PIGP: variants seen among roughly 807,000 people sequenced by gnomAD.
PIGP encodes phosphatidylinositol N-acetylglucosaminyltransferase subunit P.
Under a neutral mutation model 16.9 loss-of-function variants are expected in PIGP, and 12 were observed. The observed-to-expected ratio is 0.71, with a 90% CI of 0.46 to 1.15. The LOEUF is 1.15. Among genes scored for constraint, PIGP ranks in the 50% most tolerant of loss-of-function variants. PIGP has a pLI of 0.00. For synonymous variants in PIGP, 57 were observed against 54.7 expected, an observed-to-expected ratio of 1.04 and a Z score of -0.18; for missense variants, 159 against 153.5, an observed-to-expected ratio of 1.04 and a Z score of -0.19.
At position 37,065,475 on chromosome 21, in the gene PIGP, A is replaced by T; in HGVS notation, c.*107T>A. On this transcript the variant is annotated 3_prime_UTR_variant, in exon 5 of 5. Transcript: ENST00000360525. ...AAGAGAAGGTCAACTTACATTTTTT[A>T]CTTCTCTATTAATAAGAGAGATGGT... The T allele has an allele frequency of 9.4e-7, 1 of 1,058,308 alleles. No individual in the cohort carries two copies. Among genetic ancestry groups the T allele is most frequent in the Non-Finnish European group, 1.4e-6 (1 of 735,952 alleles). 65.6% of individuals were successfully genotyped at this position (1,058,308 alleles called of 1,614,324 possible). A position where few individuals can be genotyped will look rare whatever the true frequency, so the allele number is the denominator to read the frequency against.
Position 37,069,636 on chromosome 21 carries a change from A to G in PIGP, c.83-12T>C. 1 of 1,510,420 alleles carries G rather than the reference A, an allele frequency of 6.6e-7. No homozygotes were observed. Among genetic ancestry groups the G allele is most frequent in the Non-Finnish European group, 9.0e-7 (1 of 1,112,882 alleles). 93.6% of individuals were successfully genotyped at this position (1,510,420 alleles called of 1,614,324 possible). ...CACGAGGTAAAGTACTGTAGAAAAG[A>G]AAAAGAAAAAAAAGAGGAAGAGAAG... On this transcript the variant is annotated splice_polypyrimidine_tract_variant and intron_variant, in intron 2 of 4. Coordinates refer to ENST00000360525, the MANE Select transcript of PIGP (RefSeq NM_153682.3).
At chr21:37,070,146 T>C (rs2069977779) in intron 2 of PIGP, among the ~76,000 whole-genome samples, 1 of 152,200 alleles carries the variant, frequency 6.6e-6, no homozygotes, top group Non-Finnish European at 1.5e-5. Context: ...GAGCACTCAC[T>C]GTGGGTTAAG....
At chr21:37,070,361 G>C (rs2069982919) in intron 2 of PIGP, among the ~76,000 whole-genome samples, 1 of 152,180 alleles carries the variant, frequency 6.6e-6, no homozygotes, top group South Asian at 2.1e-4. Context: ...ACAGAATTCT[G>C]TATGTCAGGT....
chr21:37,068,323 C>G (rs941426686), intron 3 of PIGP, among the ~76,000 whole-genome samples: 1 of 150,300 alleles, frequency 6.7e-6, no homozygotes, highest in Non-Finnish European at 1.5e-5. Flanking sequence ...GTTCTAACTT[C>G]TAGAGATTAC....
Position 37,072,136 on chromosome 21 carries a change from T to C in PIGP, c.82+298A>G, listed in dbSNP as rs1417620350. On this transcript the variant is annotated intron_variant, in intron 2 of 4. Transcript: ENST00000360525. ...CACTCATCACACTGAGCATTAACTG[T>C]AGATTTACCCATCTGTCTCCTCCAC... is the stretch of plus-strand genomic sequence containing the variant. 6 of 994,726 alleles carry C rather than the reference T, an allele frequency of 6.0e-6. 1 individual carries two copies. Among genetic ancestry groups the C allele is most frequent in the East Asian group, 4.7e-5 (2 of 42,204 alleles). The allele number at this position is 994,726 out of a possible 1,614,324, so 61.6% of individuals were successfully genotyped here. A position where few individuals can be genotyped will look rare whatever the true frequency, so the allele number is the denominator to read the frequency against.
intron 4 of PIGP, 32 bp downstream of exon 4, chr21:37,067,230 T>C: frequency 8.0e-7 from 1 of 1,243,526 alleles, no homozygotes; most frequent in Non-Finnish European, 1.2e-6. Flanking sequence ...ACTCTTTCAT[T>C]GCCCCAGCAC....
chr21:37,070,641 G>A (rs1247696026), intron 2 of PIGP, among the ~76,000 whole-genome samples: 1 of 152,110 alleles, frequency 6.6e-6, no homozygotes, highest in Non-Finnish European at 1.5e-5. Context: ...TCTCCCCCCG[G>A]CATGAGAATG....
chr21:37,072,731 T>G, intron 1 of PIGP, 194 bp from the exon 2 acceptor site: 1 of 810,914 alleles, frequency 1.2e-6, no homozygotes, highest in Non-Finnish European at 1.9e-6. Context: ...ACAGAAGGGG[T>G]GGCGGAGGAT....
rs374857816 is a variant in PIGP, at chr21:37,069,944, A to C, written c.83-320T>G. On this transcript the variant is annotated intron_variant, in intron 2 of 4. Coordinates refer to ENST00000360525, the MANE Select transcript of PIGP (RefSeq NM_153682.3). ...TTTGCTTTAGGTACAGTAAGTGTTC[A>C]ATACTTCATCCCCACAAGGTTGAAG... is the stretch of plus-strand genomic sequence containing the variant. 6.6e-5 allele frequency among the ~76,000 whole-genome samples: 10 copies of C among 152,310 alleles called. No individual in the cohort carries two copies. The East Asian group carries it at 7.7e-4, about 12-fold the overall frequency.
chr21:37,065,468 AT>A lies in PIGP; in HGVS notation c.*113del. On this transcript the variant is annotated 3_prime_UTR_variant, in exon 5 of 5. Transcript: ENST00000360525. ...ATAATCTAAGAGAAGGTCAACTTAC[AT>A]TTTTTACTTCTCTATTAATAAGAGA... The A allele has an allele frequency of 9.7e-7, 1 of 1,027,916 alleles. No individual in the cohort carries two copies. Among genetic ancestry groups the A allele is most frequent in the South Asian group, 1.5e-5 (1 of 65,042 alleles). The allele number at this position is 1,027,916 out of a possible 1,614,324, so 63.7% of individuals were successfully genotyped here.
intron 3 of PIGP, among the ~76,000 whole-genome samples, chr21:37,068,741 C>T (rs2069948786): frequency 6.6e-6 from 1 of 152,156 alleles, no homozygotes; most frequent in African/African-American, 2.4e-5. Flanking sequence ...AATTATAGAT[C>T]CTTTCTCTCG....
At chr21:37,071,689 G>A (rs546762556) in intron 2 of PIGP, among the ~76,000 whole-genome samples, 1 of 152,268 alleles carries the variant, frequency 6.6e-6, no homozygotes, top group South Asian at 2.1e-4. Flanking sequence ...GTTGCAGAAC[G>A]TTGGATCACG....
At chr21:37,072,775 C>G (rs1045040515) in intron 1 of PIGP, 1 of 598,116 alleles carries the variant, frequency 1.7e-6, no homozygotes, top group African/African-American at 1.9e-5. Flanking sequence ...GCGATAGACG[C>G]GCGCTCCAGC....
At chr21:37,072,809 G>A (rs1212793380) in intron 1 of PIGP, 191 bp downstream of exon 1, 3 of 540,958 alleles carry the variant, frequency 5.5e-6, no homozygotes, top group Non-Finnish European at 6.5e-6. Context: ...CCTCCCTGTG[G>A]GAGGGGAGGG....
intron 1 of PIGP, 48 bp from the exon 2 acceptor site, chr21:37,072,585 C>T: frequency 6.2e-7 from 1 of 1,613,902 alleles, no homozygotes; most frequent in Non-Finnish European, 8.5e-7. Context: ...TCCGTGGCAC[C>T]ATTGATCCAT....
chr21:37,069,529 T>A (rs2069963349), intron 3 of PIGP, 23 bp downstream of exon 3: 1 of 1,390,280 alleles, frequency 7.2e-7, no homozygotes, highest in African/African-American at 1.4e-5. Flanking sequence ...TATATCCTCA[T>A]TTAAGAAATA....
intron 4 of PIGP, among the ~76,000 whole-genome samples, chr21:37,066,069 C>T (rs947212457): frequency 6.7e-6 from 1 of 150,120 alleles, no homozygotes; most frequent in Non-Finnish European, 1.5e-5. Context: ...GGTGACAGAG[C>T]GAGACTCCAT....
At chr21:37,068,004 T>G (rs1366856444) in intron 3 of PIGP, among the ~76,000 whole-genome samples, 3 of 64,820 alleles carry the variant, frequency 4.6e-5, no homozygotes. Flanking sequence ...CTATTTTTCA[T>G]TGAGTGTTTT....
Position 37,067,303 on chromosome 21 carries a change from A to G in PIGP, c.233T>C (p.Met78Thr), listed in dbSNP as rs771054954. Residue 78 changes from methionine to threonine, a missense_variant, in exon 4 of 5, where the codon ATG becomes ACG. By Grantham distance (81) the Met-to-Thr change is moderately conservative (BLOSUM62 -1). Transcript: ENST00000360525. The part of the protein sequence containing the change: ...IGYVLLFGIN[M>T]MSTSPLDSIH... Reference sequence around the variant, plus strand: ...GGAGTCGAGTGGAGAGGTACTCATCATGTTAATCCCAAACAAGAGCACGTA... The same window carrying G: ...GGAGTCGAGTGGAGAGGTACTCATCGTGTTAATCCCAAACAAGAGCACGTA... 5 of 1,610,746 alleles carry G rather than the reference A, an allele frequency of 3.1e-6. No individual in the cohort carries two copies. In the Admixed American group the frequency reaches 5.0e-5, roughly 16 times the overall value.
Sources: allele counts gnomAD v4.1 joint callset (sites outside exome capture counted in the v4.1 genomes callset), GRCh38; gene constraint gnomAD v4.1.1; transcripts MANE v1.5; gene names NCBI Gene and HGNC (gene_info 2026-07-23, HGNC 2026-07-21).